Variants in GATAD2A observed in about 807,000 individuals in gnomAD.
GATAD2A encodes GATA zinc finger domain containing 2A, also known as transcriptional repressor p66-alpha.
GATAD2A carries 12 observed loss-of-function variants against 68.5 expected under a neutral mutation model. The ratio of observed to expected loss-of-function variants is 0.18; its 90% CI spans 0.11 to 0.28. The LOEUF (loss-of-function observed/expected upper bound fraction) is 0.28. GATAD2A is among the 10% of genes least tolerant of loss of function. The pLI is 1.00. For missense variants in GATAD2A, 755 were observed against 868.5 expected (o/e 0.87, Z 1.64); for synonymous variants, 410 against 375.3 (o/e 1.09, Z -1.07).
intron 11 of GATAD2A, among the ~76,000 whole-genome samples, chr19:19,504,528 C>CTATAA (rs1244315863): frequency 6.6e-6 from 1 of 151,876 alleles, no homozygotes; most frequent in Non-Finnish European, 1.5e-5. Context: ...TGGCTCGTGC[C>CTATAA]TATAATCCCA....
At chr19:19,406,528 G>C (rs1205712473) in intron 1 of GATAD2A, among the ~76,000 whole-genome samples, 1 of 152,082 alleles carries the variant, frequency 6.6e-6, no homozygotes, top group Non-Finnish European at 1.5e-5. Context: ...TGGAGGGCCG[G>C]CCCTCCCCCA....
intron 2 of GATAD2A, among the ~76,000 whole-genome samples, chr19:19,491,875 C>T (rs1351461633): frequency 6.6e-6 from 1 of 152,172 alleles, no homozygotes; most frequent in Non-Finnish European, 1.5e-5. Context: ...GGGCTGGTGG[C>T]GAGGCACACA....
intron 2 of GATAD2A, among the ~76,000 whole-genome samples, chr19:19,475,538 T>C (rs1469208511): frequency 6.6e-6 from 1 of 151,258 alleles, no homozygotes; most frequent in Non-Finnish European, 1.5e-5. Flanking sequence ...GGCTGGCTGC[T>C]GCCTTTCACT....
intron 1 of GATAD2A, among the ~76,000 whole-genome samples, chr19:19,431,943 G>A (rs576031938): frequency 6.6e-6 from 1 of 152,098 alleles, no homozygotes; most frequent in South Asian, 2.1e-4. Flanking sequence ...CAAAGGCAGG[G>A]GTGGTGGGGG....
In GATAD2A at chr19:19,495,791, C is replaced by T. The variant is rs764734630; in HGVS notation, c.662C>T (p.Pro221Leu). 8 of 1,613,464 alleles carry T rather than the reference C, an allele frequency of 5.0e-6. No individual in the cohort carries two copies. Among genetic ancestry groups the T allele is most frequent in the Non-Finnish European group, 5.9e-6 (7 of 1,179,698 alleles). ...CGGATGCCCGGCAGTGTCATACCCC[C>T]GCCCCTGGTCCGAGGTGGGCAGCAG... ...SARMPGSVIP[P>L]PLVRGGQQAS... Residue 221 changes from proline (P) to leucine (L), a missense_variant, in exon 6 of 12, where the codon CCG becomes CTG. Coordinates refer to ENST00000683918, the MANE Select transcript of GATAD2A (RefSeq NM_001384528.1).
chr19:19,408,925 C>T (rs527883082), intron 1 of GATAD2A, among the ~76,000 whole-genome samples: 17 of 151,284 alleles, frequency 1.1e-4, no homozygotes, highest in Admixed American at 9.2e-4. Context: ...GGCTCACAGC[C>T]GGGACCTCTT....
intron 1 of GATAD2A, among the ~76,000 whole-genome samples, chr19:19,423,272 C>T (rs1201613064): frequency 6.6e-6 from 1 of 152,248 alleles, no homozygotes; most frequent in African/African-American, 2.4e-5. Flanking sequence ...TCCCAAAGTG[C>T]TGAGGTTACA....
At chr19:19,484,734 T>C (rs2059316545) in intron 2 of GATAD2A, among the ~76,000 whole-genome samples, 1 of 151,842 alleles carries the variant, frequency 6.6e-6, no homozygotes, top group Non-Finnish European at 1.5e-5. Context: ...GAGGTTTCAC[T>C]GTGTTAGCCA....
intron 1 of GATAD2A, chr19:19,441,711 C>A: frequency 5.8e-6 from 1 of 172,940 alleles, no homozygotes; most frequent in South Asian, 8.3e-5. Flanking sequence ...ACTACAGGCG[C>A]CTGCCACAAC....
intron 1 of GATAD2A, among the ~76,000 whole-genome samples, chr19:19,398,762 C>T (rs1478553296): frequency 6.7e-6 from 1 of 149,630 alleles, no homozygotes. Context: ...CCCGTCTCTA[C>T]TAAAATACAA....
chr19:19,497,041 T>C (rs916670092), intron 7 of GATAD2A, among the ~76,000 whole-genome samples: 10 of 152,212 alleles, frequency 6.6e-5, no homozygotes, highest in Non-Finnish European at 1.3e-4. Flanking sequence ...ACTTTTTTTC[T>C]TTTTTGGAGA....
intron 1 of GATAD2A, among the ~76,000 whole-genome samples, chr19:19,399,295 G>A (rs867584151): frequency 3.1e-4 from 47 of 151,764 alleles, no homozygotes; most frequent in Non-Finnish European, 5.4e-4. Flanking sequence ...ACGCTGGAGC[G>A]CAGTGGCAGT....
intron 1 of GATAD2A, chr19:19,435,147 G>C: frequency 1.9e-6 from 1 of 531,470 alleles, no homozygotes; most frequent in South Asian, 1.4e-5. Context: ...TGCCTCTACG[G>C]TTGCCTTGGG....
chr19:19,484,918 A>T (rs988867040), intron 2 of GATAD2A, among the ~76,000 whole-genome samples: 2 of 152,174 alleles, frequency 1.3e-5, no homozygotes, highest in African/African-American at 4.8e-5. Flanking sequence ...GGCTTGACTC[A>T]CTTCACTCCA....
chr19:19,454,916 G>A (rs942205096), intron 1 of GATAD2A, among the ~76,000 whole-genome samples: 1 of 152,166 alleles, frequency 6.6e-6, no homozygotes, highest in Admixed American at 6.5e-5. Flanking sequence ...ACTAGGCTAG[G>A]GATTGGAAAA....
At chr19:19,483,763 C>T (rs932189035) in intron 2 of GATAD2A, among the ~76,000 whole-genome samples, 25 of 151,304 alleles carry the variant, frequency 1.7e-4, no homozygotes, top group African/African-American at 5.1e-4. Context: ...TACAGGTGCC[C>T]GCCACCATAC....
At position 19,501,404 on chromosome 19, in the gene GATAD2A, C is replaced by G. The variant is rs112281927; in HGVS notation, c.1491C>G (p.Pro497=). The G allele has an allele frequency of 1.3e-6, 2 of 1,596,822 alleles. No homozygotes were observed. Among genetic ancestry groups the G allele is most frequent in the Non-Finnish European group, 1.7e-6 (2 of 1,172,234 alleles). The change falls in exon 9 of 12, where the codon CCC becomes CCG. Residue 497 remains proline, a synonymous_variant. Coordinates refer to ENST00000683918, the MANE Select transcript of GATAD2A (RefSeq NM_001384528.1). ...CCGAGCCCACCGCTGCCCCACACCCCGTGCTGAAGCAGGTGAGCCTGGCCT... is the reference window on the plus strand; with the variant it reads ...CCGAGCCCACCGCTGCCCCACACCCGGTGCTGAAGCAGGTGAGCCTGGCCT... ...AKAEPTAAPH[P]VLKQVIKPRR...
intron 2 of GATAD2A, among the ~76,000 whole-genome samples, chr19:19,485,140 G>C (rs1033976698): frequency 2.0e-5 from 3 of 152,188 alleles, no homozygotes; most frequent in Admixed American, 1.3e-4. Flanking sequence ...GGCTCAGTGG[G>C]TAGTTACTTG....
chr19:19,489,881 C>T (rs1009723297), intron 2 of GATAD2A, among the ~76,000 whole-genome samples: 1 of 152,220 alleles, frequency 6.6e-6, no homozygotes, highest in Admixed American at 6.5e-5. Flanking sequence ...AGCTGCTGCA[C>T]CTCTGTGCTG....
Sources: gnomAD v4.1 joint callset for allele counts (sites outside exome capture counted in the v4.1 genomes callset) on GRCh38, gnomAD v4.1.1 for gene constraint, MANE v1.5 for transcripts, NCBI Gene and HGNC (gene_info 2026-07-23, HGNC 2026-07-21) for gene names.